PRKG2: variants seen among roughly 807,000 people sequenced by gnomAD.
The protein encoded by PRKG2 is cGMP-dependent protein kinase 2.
PRKG2 carries 33 observed loss-of-function variants against 97.2 expected under a neutral mutation model. The ratio of observed to expected loss-of-function variants is 0.34; its 90% CI spans 0.26 to 0.45. The LOEUF (loss-of-function observed/expected upper bound fraction) is 0.45, where lower values mean the gene tolerates loss of function less well. PRKG2 is among the 20% of genes least tolerant of loss of function. The pLI is 1.00. For missense variants in PRKG2, 638 were observed against 900.0 expected, an observed-to-expected ratio of 0.71 and a Z score of 3.73; for synonymous variants, 330 against 321.8, an observed-to-expected ratio of 1.03 and a Z score of -0.27.
At chr4:81,106,792 T>C (rs1248509782) in intron 15 of PRKG2, among the ~76,000 whole-genome samples, 2 of 152,208 alleles carry the variant, frequency 1.3e-5, no homozygotes, top group Non-Finnish European at 2.9e-5. Flanking sequence ...GAAGCCCTCA[T>C]GAATGGGACT....
intron 14 of PRKG2, among the ~76,000 whole-genome samples, chr4:81,114,779 C>T (rs557874606): frequency 2.4e-4 from 37 of 152,146 alleles, no homozygotes; most frequent in African/African-American, 8.4e-4. Context: ...GCTCACTGCC[C>T]AGAGGTCCCA....
intron 6 of PRKG2, 127 bp downstream of exon 6, chr4:81,167,034 T>C (rs1376112313): frequency 8.2e-5 from 54 of 654,684 alleles, no homozygotes; most frequent in Non-Finnish European, 4.9e-6. Context: ...TTTTTCACCA[T>C]AGAAAAAGGC....
At chr4:81,205,177 G>T in intron 1 of PRKG2, 117 bp from the exon 2 acceptor site, 2 of 624,734 alleles carry the variant, frequency 3.2e-6, no homozygotes, top group South Asian at 3.1e-5. Flanking sequence ...TTCATTGTTT[G>T]AAAAGCAATA....
chr4:81,203,145 C>G (rs1009186178), intron 2 of PRKG2, among the ~76,000 whole-genome samples: 2 of 151,744 alleles, frequency 1.3e-5, no homozygotes, highest in African/African-American at 4.8e-5. Flanking sequence ...GGATGATGTT[C>G]AGTTTTTTAA....
At chr4:81,098,487 T>A (rs1742355721) in intron 17 of PRKG2, among the ~76,000 whole-genome samples, 1 of 152,214 alleles carries the variant, frequency 6.6e-6, no homozygotes, top group Admixed American at 6.6e-5. Context: ...GCTTTCAGTC[T>A]ATCTCAGCTT....
At chr4:81,200,863 T>C (rs1374356960) in intron 2 of PRKG2, among the ~76,000 whole-genome samples, 1 of 152,210 alleles carries the variant, frequency 6.6e-6, no homozygotes, top group South Asian at 2.1e-4. Context: ...GTGCCTGTTA[T>C]AGAAACAGGC....
chr4:81,121,810 A>C (rs1745097971), intron 14 of PRKG2, among the ~76,000 whole-genome samples: 1 of 152,016 alleles, frequency 6.6e-6, no homozygotes, highest in African/African-American at 2.4e-5. Flanking sequence ...TCATTCTTAT[A>C]TGCTAAGCAA....
chr4:81,216,791 TTGTTTC>T (rs1754286377), upstream of PRKG2, among the ~76,000 whole-genome samples: 2 of 151,786 alleles, frequency 1.3e-5, no homozygotes, highest in African/African-American at 4.8e-5. Flanking sequence ...GTTTTTGACT[TTGTTTC>T]TGAGTAATTT....
intron 5 of PRKG2, among the ~76,000 whole-genome samples, chr4:81,169,233 G>A (rs1389170790): frequency 6.6e-6 from 1 of 152,002 alleles, no homozygotes; most frequent in Non-Finnish European, 1.5e-5. Flanking sequence ...ATGCAAATAA[G>A]AAAGTCTCAG....
At chr4:81,141,894 G>A (rs114613059) in intron 11 of PRKG2, among the ~76,000 whole-genome samples, 1,620 of 152,240 alleles carry the variant, frequency 0.011, 35 homozygotes, top group African/African-American at 0.037. Flanking sequence ...GATGAAGCAA[G>A]GACTGGGTCT....
At position 81,134,405 on chromosome 4, in the gene PRKG2, G is replaced by A. The variant is rs535599365; in HGVS notation, c.1776+750C>T. On this transcript the variant is annotated intron_variant, in intron 14 of 18. Coordinates refer to ENST00000264399, the MANE Select transcript of PRKG2 (RefSeq NM_006259.3). The stretch of plus-strand genomic sequence containing the variant: ...AATATCTTTGTAAATGTTAAGTTCA[G>A]AAATGGTTTAACGTCCTTGAAGTAA... 9.9e-5 allele frequency among the ~76,000 whole-genome samples: 15 copies of A among 152,228 alleles called. No individual in the cohort carries two copies. In the East Asian group the frequency reaches 2.5e-3, roughly 25 times the overall value.
intron 18 of PRKG2, among the ~76,000 whole-genome samples, chr4:81,091,848 G>C (rs560013154): frequency 1.3e-5 from 2 of 152,082 alleles, no homozygotes; most frequent in Non-Finnish European, 2.9e-5. Flanking sequence ...TTAGCAACAC[G>C]AAGTGACTGA....
At chr4:81,131,865 G>A (rs767958566) in intron 14 of PRKG2, among the ~76,000 whole-genome samples, 1 of 152,044 alleles carries the variant, frequency 6.6e-6, no homozygotes, top group Non-Finnish European at 1.5e-5. Context: ...TCTTGATATT[G>A]ATAGTACACA....
chr4:81,143,262 A>C (rs1304187720), intron 10 of PRKG2, among the ~76,000 whole-genome samples: 1 of 152,172 alleles, frequency 6.6e-6, no homozygotes, highest in Non-Finnish European at 1.5e-5. Context: ...TCAGTGTGGA[A>C]ATTTTTTTTA....
At chr4:81,099,057 C>T (rs1470707921) in intron 17 of PRKG2, among the ~76,000 whole-genome samples, 1 of 152,156 alleles carries the variant, frequency 6.6e-6, no homozygotes, top group Non-Finnish European at 1.5e-5. Context: ...GGAAAGATGT[C>T]ATTGTACCTT....
intron 13 of PRKG2, 110 bp from the exon 14 acceptor site, chr4:81,135,406 G>T (rs373721487): frequency 8.7e-7 from 1 of 1,154,450 alleles, no homozygotes; most frequent in South Asian, 2.0e-5. Flanking sequence ...TAAATATTTT[G>T]CAGGGTATCA....
intron 13 of PRKG2, 29 bp downstream of exon 13, chr4:81,137,364 A>T (rs1560569340): frequency 6.7e-7 from 1 of 1,485,294 alleles, no homozygotes; most frequent in Non-Finnish European, 9.4e-7. Flanking sequence ...CCCTTAGGCC[A>T]GATGTGAGTA....
chr4:81,164,188 T>A (rs74590217), intron 6 of PRKG2, among the ~76,000 whole-genome samples: 16,583 of 152,198 alleles, frequency 0.11, 1,101 homozygotes, highest in Middle Eastern at 0.21. Flanking sequence ...GATTTAAATG[T>A]TGAAAGAGCT....
At position 81,137,382 on chromosome 4, in the gene PRKG2, T is replaced by A. The variant is rs1055852478; in HGVS notation, c.1634+11A>T. 2 of 1,589,728 alleles carry A rather than the reference T, an allele frequency of 1.3e-6. No homozygotes were observed. Among genetic ancestry groups the A allele is most frequent in the African/African-American group, 2.7e-5 (2 of 74,302 alleles). ...TTAGGCCAGATGTGAGTATACAAAC[T>A]TTTTCATTACCTGTCCCTTAATATA... On this transcript the variant is annotated intron_variant, in intron 13 of 18. Transcript: ENST00000264399.
Sources: gnomAD v4.1 joint callset for allele counts (sites outside exome capture counted in the v4.1 genomes callset) on GRCh38, gnomAD v4.1.1 for gene constraint, MANE v1.5 for transcripts, NCBI Gene and HGNC (gene_info 2026-07-23, HGNC 2026-07-21) for gene names.